Variants in SOX5 observed in about 807,000 individuals in gnomAD.
SOX5 encodes SRY-box transcription factor 5, also known as transcription factor SOX-5.
In SOX5, 9 loss-of-function variants were observed where a neutral mutation model predicts 92.0. The observed-to-expected ratio is 0.10, with a 90% CI of 0.06 to 0.17. The LOEUF is 0.17. SOX5 is among the 10% of genes least tolerant of loss of function. The probability of loss-of-function intolerance (pLI) is 1.00; values close to 1 mark genes in which losing one functional copy is unlikely to be tolerated. For synonymous variants in SOX5, 344 were observed against 336.3 expected (o/e 1.02, Z -0.25); for missense variants, 642 against 944.5 (o/e 0.68, Z 4.20).
chr12:24,039,670 C>T (rs1264966603), intron 4 of SOX5, among the ~76,000 whole-genome samples: 3 of 152,036 alleles, frequency 2.0e-5, no homozygotes, highest in African/African-American at 7.2e-5. Context: ...TCAGCATTTT[C>T]AAATCAATAA....
chr12:24,427,322 A>G (rs1341403707), intron 1 of SOX5, among the ~76,000 whole-genome samples: 3 of 152,236 alleles, frequency 2.0e-5, no homozygotes, highest in African/African-American at 7.2e-5. Flanking sequence ...GTGTCCCAGA[A>G]CTGTTGGTTT....
intron 2 of SOX5, among the ~76,000 whole-genome samples, chr12:24,297,084 G>A (rs573212281): frequency 7.4e-4 from 113 of 152,204 alleles, no homozygotes; most frequent in African/African-American, 2.6e-3. Flanking sequence ...ATGCTAAGTC[G>A]TTTACAGTTT....
intron 4 of SOX5, among the ~76,000 whole-genome samples, chr12:24,010,548 GC>G (rs1241998367): frequency 6.6e-6 from 1 of 152,124 alleles, no homozygotes; most frequent in Non-Finnish European, 1.5e-5. Flanking sequence ...ATAATCCAGG[GC>G]CAAGGAAGAA....
intron 1 of SOX5, among the ~76,000 whole-genome samples, chr12:24,491,286 C>T (rs1947047525): frequency 6.6e-6 from 1 of 152,074 alleles, no homozygotes; most frequent in Non-Finnish European, 1.5e-5. Context: ...ATTTTTCCTG[C>T]TTGTGGCAGT....
At chr12:23,536,738 A>T in intron 13 of SOX5, 69 bp from the exon 14 acceptor site, 1 of 1,208,732 alleles carries the variant, frequency 8.3e-7, no homozygotes, top group South Asian at 1.2e-5. Flanking sequence ...GATATGGCTG[A>T]GAACAAGAAA....
intron 1 of SOX5, among the ~76,000 whole-genome samples, chr12:24,468,229 G>A (rs894338515): frequency 1.3e-5 from 2 of 152,194 alleles, no homozygotes; most frequent in African/African-American, 4.8e-5. Context: ...TCCATGCCAG[G>A]TTGCTTGGAA....
At chr12:23,661,294 C>T (rs2083014575) in intron 7 of SOX5, among the ~76,000 whole-genome samples, 3 of 152,098 alleles carry the variant, frequency 2.0e-5, no homozygotes, top group African/African-American at 7.2e-5. Context: ...GGACTGCAGT[C>T]TCTAGTAATA....
At chr12:23,564,129 T>G (rs1329027323) in intron 10 of SOX5, among the ~76,000 whole-genome samples, 1 of 152,296 alleles carries the variant, frequency 6.6e-6, no homozygotes, top group African/African-American at 2.4e-5. Flanking sequence ...ATGATCAGCT[T>G]ATGTATGCAA....
chr12:24,147,049 CT>C (rs1415024082), intron 4 of SOX5, among the ~76,000 whole-genome samples: 1 of 152,062 alleles, frequency 6.6e-6, no homozygotes, highest in Non-Finnish European at 1.5e-5. Context: ...CTGCTAATCA[CT>C]TAAGAAAGAA....
At chr12:23,624,375 C>T (rs535644645) in intron 8 of SOX5, among the ~76,000 whole-genome samples, 2 of 151,990 alleles carry the variant, frequency 1.3e-5, no homozygotes, top group African/African-American at 4.8e-5. Context: ...TAAAAAGAAA[C>T]CTACAGAGGA....
chr12:24,335,493 T>C (rs992943429), intron 2 of SOX5, among the ~76,000 whole-genome samples: 1 of 152,186 alleles, frequency 6.6e-6, no homozygotes, highest in Non-Finnish European at 1.5e-5. Context: ...TTGTACAGCA[T>C]AGGAAACTGA....
intron 4 of SOX5, among the ~76,000 whole-genome samples, chr12:24,053,382 G>A (rs915149577): frequency 6.6e-6 from 1 of 151,912 alleles, no homozygotes; most frequent in Non-Finnish European, 1.5e-5. Context: ...TGCCCGCCTC[G>A]GGCTCCCAAA....
At chr12:23,692,309 C>T (rs933762123) in intron 6 of SOX5, among the ~76,000 whole-genome samples, 11 of 151,888 alleles carry the variant, frequency 7.2e-5, no homozygotes, top group African/African-American at 1.7e-4. Context: ...TGGCAGCCGG[C>T]GCCTGTAATC....
intron 1 of SOX5, among the ~76,000 whole-genome samples, chr12:24,561,453 A>T (rs911946157): frequency 6.6e-6 from 1 of 152,192 alleles, no homozygotes; most frequent in Non-Finnish European, 1.5e-5. Context: ...ATCAATACTC[A>T]ACAAACTGCT....
At chr12:24,341,474 C>CA (rs1565942340) in intron 2 of SOX5, among the ~76,000 whole-genome samples, 1 of 152,182 alleles carries the variant, frequency 6.6e-6, no homozygotes, top group African/African-American at 2.4e-5. Flanking sequence ...GAAACCGTCT[C>CA]AAAAATTAAT....
intron 3 of SOX5, among the ~76,000 whole-genome samples, chr12:23,773,768 G>C (rs952267366): frequency 1.3e-5 from 2 of 151,854 alleles, no homozygotes; most frequent in Non-Finnish European, 2.9e-5. Flanking sequence ...GAGATACAAA[G>C]ACACCAGTCA....
intron 2 of SOX5, among the ~76,000 whole-genome samples, chr12:23,879,421 A>C (rs962854226): frequency 2.0e-5 from 3 of 152,220 alleles, no homozygotes; most frequent in African/African-American, 7.2e-5. Context: ...CCCAAATAAT[A>C]CATAGCATAG....
chr12:24,453,582 A>G (rs1489299735), intron 1 of SOX5, among the ~76,000 whole-genome samples: 1 of 152,220 alleles, frequency 6.6e-6, no homozygotes, highest in African/African-American at 2.4e-5. Flanking sequence ...TAATATACCT[A>G]TTTAGACATT....
At chr12:23,743,854 C>T (rs1219090640) in intron 4 of SOX5, among the ~76,000 whole-genome samples, 1 of 152,078 alleles carries the variant, frequency 6.6e-6, no homozygotes, top group Non-Finnish European at 1.5e-5. Flanking sequence ...GGCATTCTAG[C>T]CTGTGCTGTT....
Sources: gnomAD v4.1 joint callset for allele counts (sites outside exome capture counted in the v4.1 genomes callset) on GRCh38, gnomAD v4.1.1 for gene constraint, MANE v1.5 for transcripts, NCBI Gene and HGNC (gene_info 2026-07-23, HGNC 2026-07-21) for gene names.